SH3GL3: variants seen among roughly 807,000 people sequenced by gnomAD.
The protein encoded by SH3GL3 is endophilin-A3.
SH3GL3 carries 33 observed loss-of-function variants against 47.7 expected under a neutral mutation model. The ratio of observed to expected loss-of-function variants is 0.69; its 90% CI spans 0.52 to 0.92. SH3GL3 has a LOEUF of 0.92. SH3GL3 is among the 40% of genes least tolerant of loss of function. SH3GL3 has a pLI of 0.00. For missense variants in SH3GL3, 363 were observed against 417.8 expected (o/e 0.87, Z 1.14); for synonymous variants, 155 against 148.8 (o/e 1.04, Z -0.30).
intron 6 of SH3GL3, among the ~76,000 whole-genome samples, chr15:83,580,034 G>T (rs1482710055): frequency 3.9e-5 from 6 of 152,230 alleles, no homozygotes. Flanking sequence ...ATACATGGTT[G>T]ATGGGGCATA....
intron 1 of SH3GL3, among the ~76,000 whole-genome samples, chr15:83,491,395 C>A (rs1254664138): frequency 1.3e-5 from 2 of 152,204 alleles, no homozygotes; most frequent in Non-Finnish European, 2.9e-5. Flanking sequence ...TTAGCATTCC[C>A]TCAAGAGTCT....
At chr15:83,550,050 A>G (rs2044585886) in intron 1 of SH3GL3, among the ~76,000 whole-genome samples, 1 of 152,192 alleles carries the variant, frequency 6.6e-6, no homozygotes, top group African/African-American at 2.4e-5. Flanking sequence ...CAGAAAAGGA[A>G]GTTGCAAAAC....
intron 8 of SH3GL3, among the ~76,000 whole-genome samples, chr15:83,610,998 T>TATATAA (rs35806493): frequency 6.7e-6 from 1 of 149,694 alleles, no homozygotes; most frequent in African/African-American, 2.4e-5. Context: ...TATATATATA[T>TATATAA]AATATGTATG....
intron 1 of SH3GL3, among the ~76,000 whole-genome samples, chr15:83,480,730 A>T (rs1241123979): frequency 6.6e-6 from 1 of 152,192 alleles, no homozygotes; most frequent in African/African-American, 2.4e-5. Context: ...AATAACAACT[A>T]TTTATTTAGC....
At chr15:83,598,171 T>C (rs758812601) in intron 8 of SH3GL3, among the ~76,000 whole-genome samples, 1 of 152,222 alleles carries the variant, frequency 6.6e-6, no homozygotes, top group Non-Finnish European at 1.5e-5. Context: ...CTGTTTCAGA[T>C]GCCCACACTC....
chr15:83,573,148 A>G (rs942407763), intron 5 of SH3GL3, among the ~76,000 whole-genome samples: 1 of 152,180 alleles, frequency 6.6e-6, no homozygotes, highest in Non-Finnish European at 1.5e-5. Flanking sequence ...AATGGCGTGC[A>G]TGGGAATTTT....
At chr15:83,550,380 A>G (rs1279618878) in intron 1 of SH3GL3, among the ~76,000 whole-genome samples, 4 of 152,060 alleles carry the variant, frequency 2.6e-5, no homozygotes, top group African/African-American at 7.2e-5. Flanking sequence ...CACAGTGCCC[A>G]TTACCATTTT....
the SH3GL3 span, among the ~76,000 whole-genome samples, chr15:83,633,021 G>A: frequency 1.3e-5 from 2 of 151,678 alleles, no homozygotes; most frequent in African/African-American, 4.9e-5. Context: ...TACCAAAATG[G>A]CAAAAATGGA....
chr15:83,507,540 G>A (rs1008175752), intron 1 of SH3GL3, among the ~76,000 whole-genome samples: 7 of 151,764 alleles, frequency 4.6e-5, no homozygotes, highest in South Asian at 4.2e-4. Context: ...TCTGCCTCCC[G>A]AGTAGCTGGG....
intron 2 of SH3GL3, among the ~76,000 whole-genome samples, chr15:83,559,694 T>A (rs2045161093): frequency 6.6e-6 from 1 of 152,194 alleles, no homozygotes; most frequent in African/African-American, 2.4e-5. Context: ...GCAGAATGAT[T>A]TATTTACCGT....
intron 2 of SH3GL3, among the ~76,000 whole-genome samples, chr15:83,562,030 AACACACACACACACACACACACACACAC>A (rs55856428): frequency 2.3e-5 from 3 of 132,978 alleles, no homozygotes; most frequent in South Asian, 2.6e-4. Context: ...ACACACACAC[AACACACACACACACACACACACACACAC>A]ACACACACAC....
chr15:83,581,650 C>T (rs1170579652), intron 6 of SH3GL3, among the ~76,000 whole-genome samples: 1 of 152,180 alleles, frequency 6.6e-6, no homozygotes, highest in Non-Finnish European at 1.5e-5. Flanking sequence ...GTGCCACTCC[C>T]GTAATCTCAC....
chr15:83,566,363 AGAGTGTGTGTGTGTGTGT>A (rs1277658530), intron 3 of SH3GL3, among the ~76,000 whole-genome samples: 1 of 128,260 alleles, frequency 7.8e-6, no homozygotes, highest in Non-Finnish European at 1.6e-5. Flanking sequence ...AGAGAGAGAG[AGAGTGTGTGTGTGTGTGT>A]GTGTGTGTGT....
Position 83,568,509 on chromosome 15 carries a change from C to A in SH3GL3, c.188-20C>A. ...TCCACCTTGTAACTTTAAAGAATTACAAATGACAATGTTTTTAAGCATACA... is the reference window on the plus strand; with the variant it reads ...TCCACCTTGTAACTTTAAAGAATTAAAAATGACAATGTTTTTAAGCATACA... On this transcript the variant is annotated intron_variant, in intron 3 of 8. Coordinates refer to ENST00000427482, the MANE Select transcript of SH3GL3 (RefSeq NM_003027.5). 6.2e-7 allele frequency: 1 copy of A among 1,604,694 alleles called. No homozygotes were observed. The highest frequency in any genetic ancestry group is 8.5e-7 in the Non-Finnish European group (1 of 1,172,630).
chr15:83,583,641 A>C (rs2059890447), intron 6 of SH3GL3, among the ~76,000 whole-genome samples: 1 of 152,174 alleles, frequency 6.6e-6, no homozygotes, highest in Non-Finnish European at 1.5e-5. Flanking sequence ...ATATGCTGCT[A>C]ATCATCCATT....
chr15:83,596,167 A>G (rs2060233120), intron 8 of SH3GL3, among the ~76,000 whole-genome samples: 1 of 152,182 alleles, frequency 6.6e-6, no homozygotes, highest in African/African-American at 2.4e-5. Context: ...ATTTCCACAT[A>G]TGTGGATATT....
chr15:83,563,680 C>T (rs1419468097), intron 2 of SH3GL3, among the ~76,000 whole-genome samples: 2 of 151,926 alleles, frequency 1.3e-5, no homozygotes, highest in Non-Finnish European at 2.9e-5. Flanking sequence ...GCTCTGTTGC[C>T]CAGGCTGGAG....
At chr15:83,600,993 C>G (rs1729089365) in intron 8 of SH3GL3, among the ~76,000 whole-genome samples, 1 of 151,622 alleles carries the variant, frequency 6.6e-6, no homozygotes, top group Admixed American at 6.6e-5. Context: ...TCAGCTTGGT[C>G]TCTGTTGGTA....
intron 1 of SH3GL3, among the ~76,000 whole-genome samples, chr15:83,496,289 G>A (rs1292525580): frequency 6.6e-6 from 1 of 151,220 alleles, no homozygotes; most frequent in Non-Finnish European, 1.5e-5. Context: ...AACCCAGGAA[G>A]TGGAGGTTGC....
Sources: allele counts gnomAD v4.1 joint callset (sites outside exome capture counted in the v4.1 genomes callset), GRCh38; gene constraint gnomAD v4.1.1; transcripts MANE v1.5; gene names NCBI Gene and HGNC (gene_info 2026-07-23, HGNC 2026-07-21).